BRAF: variants seen among roughly 807,000 people sequenced by gnomAD.
BRAF encodes B-Raf proto-oncogene, serine/threonine kinase, also known as serine/threonine-protein kinase B-raf.
A neutral mutation model predicts 104.6 loss-of-function variants in BRAF; 16 were observed. The observed-to-expected ratio is 0.15, with a 90% CI of 0.10 to 0.23. BRAF has a LOEUF of 0.23. Ranked by LOEUF, BRAF falls within the 10% of genes least tolerant of loss-of-function variation. The pLI is 1.00. For missense variants in BRAF, 541 were observed against 937.3 expected, an observed-to-expected ratio of 0.58 and a Z score of 5.52; for synonymous variants, 310 against 341.6, an observed-to-expected ratio of 0.91 and a Z score of 1.02.
rs536337194 is a variant in BRAF, at chr7:140,754,558, C to A, written c.1815-325G>T. 5.9e-5 allele frequency among the ~76,000 whole-genome samples: 9 copies of A among 152,188 alleles called. No individual in the cohort carries two copies. In the South Asian group the frequency reaches 1.2e-3, roughly 21 times the overall value. On this transcript the variant is annotated intron_variant, in intron 14 of 19. Coordinates refer to ENST00000644969, the MANE Select transcript of BRAF (RefSeq NM_001374258.1). ...CTTAAATATACCTTGATATTTAATC[C>A]CACCACTGTGTTCAATGCTCCCCTC...
intron 19 of BRAF, chr7:140,731,933 AG>A (rs1327983500): frequency 1.3e-5 from 2 of 151,782 alleles, no homozygotes; most frequent in African/African-American, 4.8e-5. Context: ...GCACTTTGGG[AG>A]GCCGAGGCGG....
the BRAF span, among the ~76,000 whole-genome samples, chr7:140,714,160 C>T: frequency 2.0e-5 from 3 of 152,200 alleles, no homozygotes; most frequent in Non-Finnish European, 4.4e-5. Context: ...AATCACCCAT[C>T]TTCTGCATCG....
At position 140,924,735 on chromosome 7, in the gene BRAF, G is replaced by T; in HGVS notation, c.-32C>A. 1 of 780,368 alleles carries T rather than the reference G, an allele frequency of 1.3e-6. No homozygotes were observed. The highest frequency in any genetic ancestry group is 2.1e-6 in the Non-Finnish European group (1 of 484,160). The allele number at this position is 780,368 out of a possible 1,614,324, so 48.3% of individuals were successfully genotyped here. ...ACCGAGAGCCGGGGCCCGAGCGGCC[G>T]CTGTCGGGCGGGGAGGGGGAAGGGA... On this transcript the variant is annotated 5_prime_UTR_variant, in exon 1 of 20. Coordinates refer to ENST00000644969, the MANE Select transcript of BRAF (RefSeq NM_001374258.1). The surrounding 1 kb of genome is among the most constrained non-coding windows in gnomAD (Gnocchi z 4.2).
chr7:140,798,293 T>G (rs1396593500), intron 7 of BRAF, among the ~76,000 whole-genome samples: 12 of 55,760 alleles, frequency 2.2e-4, no homozygotes. Context: ...GACGGAGTCT[T>G]GCTCTGTCAC....
At chr7:140,899,855 T>C (rs1172221005) in intron 1 of BRAF, among the ~76,000 whole-genome samples, 5 of 152,240 alleles carry the variant, frequency 3.3e-5, no homozygotes, top group Admixed American at 2.0e-4. Context: ...GCTGGAGTTA[T>C]TGCCTTGCTT....
At chr7:140,909,795 G>T (rs1209587753) in intron 1 of BRAF, among the ~76,000 whole-genome samples, 4 of 150,504 alleles carry the variant, frequency 2.7e-5, no homozygotes, top group Non-Finnish European at 5.9e-5. Context: ...CAACAAGAGC[G>T]AAACTCCGTC....
chr7:140,778,772 G>A (rs1378079492), intron 12 of BRAF, among the ~76,000 whole-genome samples: 3 of 151,206 alleles, frequency 2.0e-5, no homozygotes, highest in Non-Finnish European at 2.9e-5. Flanking sequence ...CAGCTGTAAC[G>A]TCAACACTGC....
chr7:140,742,781 A>G (rs1797035234), intron 17 of BRAF, among the ~76,000 whole-genome samples: 1 of 152,184 alleles, frequency 6.6e-6, no homozygotes, highest in African/African-American at 2.4e-5. Flanking sequence ...CAGAGTGAAC[A>G]GGCAACCTAC....
At chr7:140,856,691 A>G (rs1809822204) in intron 1 of BRAF, among the ~76,000 whole-genome samples, 2 of 152,222 alleles carry the variant, frequency 1.3e-5, no homozygotes, top group Admixed American at 6.5e-5. Flanking sequence ...AATGGAAAAT[A>G]TGAAAGACAC....
chr7:140,811,874 C>T (rs1804305403), intron 3 of BRAF, among the ~76,000 whole-genome samples: 1 of 151,982 alleles, frequency 6.6e-6, no homozygotes. Flanking sequence ...ATTTATAGAC[C>T]ATAACTACTA....
At chr7:140,747,830 T>C (rs1234082695) in intron 17 of BRAF, among the ~76,000 whole-genome samples, 2 of 152,196 alleles carry the variant, frequency 1.3e-5, no homozygotes, top group Admixed American at 6.5e-5. Context: ...GTGATCTAGA[T>C]CTATCACAAG....
chr7:140,924,618 GCGCCGGCCT>G lies in BRAF; in HGVS notation c.77_85del (p.Glu26_Gly28del). The G allele has an allele frequency of 6.5e-7, 1 of 1,527,024 alleles. No homozygotes were observed. Among genetic ancestry groups the G allele is most frequent in the Middle Eastern group, 2.3e-4 (1 of 4,410 alleles). The allele number at this position is 1,527,024 out of a possible 1,614,324, so 94.6% of individuals were successfully genotyped here. ...CGAAGAGGCCGCGGCGCCGGCGCCGGCGCCGGCCTCGGGCTCCATGTCCCCGTTGAACAG... is the reference window on the plus strand; with the variant it reads ...CGAAGAGGCCGCGGCGCCGGCGCCGGCGGGCTCCATGTCCCCGTTGAACAG... On this transcript the variant is annotated inframe_deletion, in exon 1 of 20. Coordinates refer to ENST00000644969, the MANE Select transcript of BRAF (RefSeq NM_001374258.1). The surrounding 1 kb of genome is among the most constrained non-coding windows in gnomAD (Gnocchi z 4.2).
intron 1 of BRAF, among the ~76,000 whole-genome samples, chr7:140,853,332 G>T (rs1000551810): frequency 6.6e-6 from 1 of 151,888 alleles, no homozygotes; most frequent in East Asian, 1.9e-4. Context: ...AGCTGTGATC[G>T]CGCCACCCCA....
downstream of BRAF, among the ~76,000 whole-genome samples, chr7:140,714,650 C>T (rs866465477): frequency 5.9e-5 from 9 of 152,270 alleles, no homozygotes; most frequent in South Asian, 2.1e-4. Flanking sequence ...TGTGAGCCAC[C>T]GTGCGTGGAC....
chr7:140,799,231 C>G (rs1802835315), intron 7 of BRAF: 1 of 228,918 alleles, frequency 4.4e-6, no homozygotes, highest in South Asian at 1.8e-4. Flanking sequence ...TTCTTTTACG[C>G]TTTATGAATA....
rs1328896938 is a variant in BRAF at position 140,724,497 on chromosome 7, T to C, written c.*1997A>G. 4 of 1,051,916 alleles carry C rather than the reference T, an allele frequency of 3.8e-6. No homozygotes were observed. In the East Asian group the frequency reaches 2.2e-4, roughly 57 times the overall value. 65.2% of individuals were successfully genotyped at this position (1,051,916 alleles called of 1,614,324 possible). On this transcript the variant is annotated 3_prime_UTR_variant, in exon 20 of 20. Transcript: ENST00000644969. ...TTCTGAATTTTGTAAGACACTGCCC[T>C]GCTGATGTAAAACTTAAAAACAAAT...
intron 12 of BRAF, chr7:140,781,067 G>A (rs1167178986): frequency 6.3e-6 from 1 of 159,160 alleles, no homozygotes; most frequent in African/African-American, 2.4e-5. Flanking sequence ...CAAGTAGCTG[G>A]GACTACAGGC....
intron 7 of BRAF, among the ~76,000 whole-genome samples, chr7:140,798,135 C>G (rs1267405755): frequency 6.6e-6 from 1 of 152,210 alleles, no homozygotes. Context: ...AAAGATTTCT[C>G]TAGGTAGAAA....
intron 17 of BRAF, chr7:140,747,283 A>T: frequency 1.5e-6 from 1 of 669,180 alleles, no homozygotes; most frequent in Non-Finnish European, 2.0e-6. Flanking sequence ...TTCTCCATTA[A>T]ATACTTAACT....
Sources: gnomAD v4.1 joint callset for allele counts (sites outside exome capture counted in the v4.1 genomes callset) on GRCh38, gnomAD v4.1.1 for gene constraint, Gnocchi (gnomAD v3.1) non-coding constraint, MANE v1.5 for transcripts, NCBI Gene and HGNC (gene_info 2026-07-23, HGNC 2026-07-21) for gene names.